MAPK6: variants seen among roughly 807,000 people sequenced by gnomAD.
MAPK6 encodes the protein mitogen-activated protein kinase 6, also known as ERK-3.
Under a neutral mutation model 59.3 loss-of-function variants are expected in MAPK6, and 19 were observed. The ratio of observed to expected loss-of-function variants is 0.32; its 90% CI spans 0.22 to 0.47. The LOEUF (loss-of-function observed/expected upper bound fraction) is 0.47, where lower values mean the gene tolerates loss of function less well. Ranked by LOEUF, MAPK6 falls within the 20% of genes least tolerant of loss-of-function variation. The pLI is 1.00. For missense variants in MAPK6, 724 were observed against 847.9 expected (o/e 0.85, Z 1.81); for synonymous variants, 316 against 290.3 (o/e 1.09, Z -0.90).
At chr15:52,043,214 T>G (rs185252966) in intron 1 of MAPK6, among the ~76,000 whole-genome samples, 1 of 152,246 alleles carries the variant, frequency 6.6e-6, no homozygotes, top group Non-Finnish European at 1.5e-5. Context: ...CAGAAAAAAC[T>G]TGGTGGGAGG....
chr15:52,015,937 A>G (rs1272218560), upstream of MAPK6, among the ~76,000 whole-genome samples: 1 of 149,194 alleles, frequency 6.7e-6, no homozygotes, highest in African/African-American at 2.5e-5. Context: ...GCGCCCTGTA[A>G]TCCCAGCTAC....
At chr15:51,998,361 CA>C (rs1352797851) in intron 2 of MAPK6, among the ~76,000 whole-genome samples, 1 of 151,912 alleles carries the variant, frequency 6.6e-6, no homozygotes, top group African/African-American at 2.4e-5. Flanking sequence ...CCCACCACCA[CA>C]GCTGGCTAAT....
intron 3 of MAPK6, among the ~76,000 whole-genome samples, chr15:52,051,440 T>A (rs929288626): frequency 1.4e-5 from 1 of 70,230 alleles, no homozygotes; most frequent in Non-Finnish European, 5.0e-5. Flanking sequence ...AGAGTCTATT[T>A]ACATAAGAAA....
intron 5 of MAPK6, among the ~76,000 whole-genome samples, chr15:52,063,471 G>C (rs913685710): frequency 2.6e-5 from 4 of 152,074 alleles, no homozygotes; most frequent in African/African-American, 9.7e-5. Context: ...TATACACAGG[G>C]AGATTTTTGC....
rs774958224 is a variant in MAPK6, at chr15:52,046,451, G to T, written c.-10G>T. 6.3e-7 allele frequency: 1 copy of T among 1,582,650 alleles called. No homozygotes were observed. Among genetic ancestry groups the T allele is most frequent in the Admixed American group, 1.8e-5 (1 of 54,718 alleles). On this transcript the variant is annotated 5_prime_UTR_variant, in exon 2 of 6. The change creates a new upstream start codon in the 5' untranslated region. Transcript: ENST00000261845. ...ATTTGAAAGGAAAAGGCAATAGTAA[G>T]GGTTTCAAAATGGCAGAGAAATTTG... is the stretch of plus-strand genomic sequence containing the variant.
At chr15:52,051,203 G>GC (rs942298083) in intron 3 of MAPK6, among the ~76,000 whole-genome samples, 3 of 152,020 alleles carry the variant, frequency 2.0e-5, no homozygotes, top group Non-Finnish European at 4.4e-5. Context: ...GACTACAGGC[G>GC]CCCGCCCCGT....
intron 1 of MAPK6, chr15:52,034,020 T>G (rs924930779): frequency 1.3e-5 from 2 of 152,212 alleles, no homozygotes; most frequent in African/African-American, 4.8e-5. Context: ...AGTTTTGCTC[T>G]TGTTGCCCAG....
upstream of MAPK6, among the ~76,000 whole-genome samples, chr15:52,016,052 TCGCG>T (rs376275284): frequency 0.025 from 1,723 of 68,632 alleles, 34 homozygotes; most frequent in South Asian, 0.049. Context: ...CCAAACTCCA[TCGCG>T]CGCGCGCGCG....
chr15:52,023,371 A>AAATTTTGTGG (rs2030621583), intron 1 of MAPK6, among the ~76,000 whole-genome samples: 2 of 152,140 alleles, frequency 1.3e-5, no homozygotes, highest in African/African-American at 4.8e-5. Context: ...ACATTACACT[A>AAATTTTGTGG]CAACCTGCCA....
At position 52,049,814 on chromosome 15, in the gene MAPK6, G is replaced by A. The variant is rs563095322; in HGVS notation, c.556-179G>A. 2.4e-3 allele frequency among the ~76,000 whole-genome samples: 370 copies of A among 151,880 alleles called. 10 individuals carry two copies. The South Asian group carries it at 0.069, about 28-fold the overall frequency. On this transcript the variant is annotated intron_variant, in intron 2 of 5. Transcript: ENST00000261845. ...TTTTTAGTAGAGATGGGGTTTCTCC[G>A]GTTGGTCAGACTGGTCTCGAACTCC...
intron 3 of MAPK6, among the ~76,000 whole-genome samples, chr15:52,009,364 T>C (rs1052953197): frequency 2.6e-5 from 4 of 152,110 alleles, no homozygotes; most frequent in Non-Finnish European, 5.9e-5. Context: ...AAATTAGGAG[T>C]ATCTGTTCTC....
chr15:52,066,564 C>A lies in MAPK6; in HGVS notation c.*1564C>A, dbSNP rs994314748. 1 of 151,920 alleles carries A rather than the reference C, an allele frequency of 6.6e-6. No homozygotes were observed. The highest frequency in any genetic ancestry group is 1.9e-4 in the East Asian group (1 of 5,192). The allele number at this position is 151,920 out of a possible 1,614,324, so 9.4% of individuals were successfully genotyped here. ...TATCCAGCTACAAAACCATCCTCTT[C>A]ACCTCACTTTTCTTTCATCCTTGTT... is the stretch of plus-strand genomic sequence containing the variant. On this transcript the variant is annotated 3_prime_UTR_variant, in exon 6 of 6. Transcript: ENST00000261845.
In MAPK6 at chr15:52,046,333, C is replaced by T. The variant is rs2031592183; in HGVS notation, c.-128C>T. On this transcript the variant is annotated 5_prime_UTR_variant, in exon 2 of 6. Coordinates refer to ENST00000261845, the MANE Select transcript of MAPK6 (RefSeq NM_002748.4). Reference sequence around the variant, plus strand: ...GCATATGCAATGAACATCAAGAAACCATCTTGCTGTGGAAGCATAATTATT... The same window carrying T: ...GCATATGCAATGAACATCAAGAAACTATCTTGCTGTGGAAGCATAATTATT... 1 of 719,822 alleles carries T rather than the reference C, an allele frequency of 1.4e-6. No homozygotes were observed. Among genetic ancestry groups the T allele is most frequent in the Non-Finnish European group, 2.3e-6 (1 of 427,854 alleles). The allele number at this position is 719,822 out of a possible 1,614,324, so 44.6% of individuals were successfully genotyped here.
chr15:52,016,052 T>TCGCGCGCGCGCGCG (rs376275284), upstream of MAPK6, among the ~76,000 whole-genome samples: 3 of 68,652 alleles, frequency 4.4e-5, no homozygotes, highest in Admixed American at 1.4e-4. Flanking sequence ...CCAAACTCCA[T>TCGCGCGCGCGCGCG]CGCGCGCGCG....
intron 2 of MAPK6, among the ~76,000 whole-genome samples, chr15:51,995,063 G>C (rs2057220675): frequency 6.6e-6 from 1 of 152,212 alleles, no homozygotes; most frequent in African/African-American, 2.4e-5. Flanking sequence ...TTTAAGCTTT[G>C]CAAGAAGTCT....
intron 1 of MAPK6, among the ~76,000 whole-genome samples, chr15:52,045,341 C>T (rs1250036182): frequency 6.6e-6 from 1 of 152,132 alleles, no homozygotes; most frequent in Non-Finnish European, 1.5e-5. Context: ...TTCAAGTTTA[C>T]TCTTATAAGT....
At chr15:52,016,107 C>CACACACACACACACACACACAAA (rs1267339787), upstream of MAPK6, among the ~76,000 whole-genome samples, 12 of 136,324 alleles carry the variant, frequency 8.8e-5, 1 homozygote, top group South Asian at 2.5e-4. Flanking sequence ...CACACACACA[C>CACACACACACACACACACACAAA]AAACTAAAAC....
At chr15:52,047,212 C>T (rs2031619777) in intron 2 of MAPK6, among the ~76,000 whole-genome samples, 197 bp downstream of exon 2, 1 of 151,994 alleles carries the variant, frequency 6.6e-6, no homozygotes, top group Non-Finnish European at 1.5e-5. Context: ...TCTAAAAATA[C>T]ATGGTTATTA....
intron 1 of MAPK6, among the ~76,000 whole-genome samples, chr15:52,027,041 C>T (rs950328627): frequency 6.9e-6 from 1 of 145,904 alleles, no homozygotes; most frequent in Non-Finnish European, 1.5e-5. Context: ...CAGAGCAATA[C>T]TCTGTCTTGA....
Sources: allele counts gnomAD v4.1 joint callset (sites outside exome capture counted in the v4.1 genomes callset), GRCh38; gene constraint gnomAD v4.1.1; transcripts MANE v1.5; gene names NCBI Gene and HGNC (gene_info 2026-07-23, HGNC 2026-07-21).